The following ITSN2 variants were observed in gnomAD, a reference collection of about 807,000 sequenced individuals.
ITSN2 encodes the protein intersectin 2, also known as intersectin-2.
Under a neutral mutation model 243.7 loss-of-function variants are expected in ITSN2, and 156 were observed. The ratio of observed to expected loss-of-function variants is 0.64; its 90% CI spans 0.56 to 0.73. ITSN2 has a LOEUF of 0.73. Ranked by LOEUF, ITSN2 falls within the 30% of genes least tolerant of loss-of-function variation. The pLI, the probability that ITSN2 is intolerant of heterozygous loss-of-function variation, is 0.00. For missense variants in ITSN2, 1,801 were observed against 1,996.1 expected, an observed-to-expected ratio of 0.90 and a Z score of 1.86; for synonymous variants, 703 against 699.9, an observed-to-expected ratio of 1.00 and a Z score of -0.07.
chr2:24,241,241 C>T (rs1672696705), intron 29 of ITSN2: 8 of 152,156 alleles, frequency 5.3e-5, no homozygotes, highest in Admixed American at 5.2e-4. Context: ...CTGATTAAAA[C>T]AGGTAACAAT....
intron 7 of ITSN2, among the ~76,000 whole-genome samples, chr2:24,309,574 C>G (rs905771672): frequency 6.6e-6 from 1 of 152,096 alleles, no homozygotes; most frequent in African/African-American, 2.4e-5. Context: ...AAGCAAAGAC[C>G]ATAAGAAGTA....
At chr2:24,207,231 G>A (rs2151082921) in intron 37 of ITSN2, among the ~76,000 whole-genome samples, 1 of 152,326 alleles carries the variant, frequency 6.6e-6, no homozygotes, top group African/African-American at 2.4e-5. Context: ...GCTGCAGCCT[G>A]GGTGGGAGAT....
chr2:24,360,982 G>C (rs905307429), upstream of ITSN2, among the ~76,000 whole-genome samples: 5 of 152,202 alleles, frequency 3.3e-5, no homozygotes, highest in African/African-American at 9.6e-5. Flanking sequence ...CTGGGAATTG[G>C]GGGGTGGAAG....
chr2:24,210,776 T>C lies in ITSN2; in HGVS notation c.4257+4A>G, dbSNP rs1314828720. Reference sequence around the variant, plus strand: ...GGCGCACGGCTTAACCACACAGGCCTGACCTCCGCGAGGCCTTCACACTGC... The same window carrying C: ...GGCGCACGGCTTAACCACACAGGCCCGACCTCCGCGAGGCCTTCACACTGC... On this transcript the variant is annotated splice_donor_region_variant and intron_variant, in intron 34 of 39. Transcript: ENST00000355123. 3.7e-6 allele frequency: 6 copies of C among 1,613,182 alleles called. No homozygotes were observed. The highest frequency in any genetic ancestry group is 5.1e-6 in the Non-Finnish European group (6 of 1,179,626).
At chr2:24,216,873 C>A (rs2151128490) in intron 31 of ITSN2, among the ~76,000 whole-genome samples, 1 of 152,292 alleles carries the variant, frequency 6.6e-6, no homozygotes, top group East Asian at 1.9e-4. Context: ...ATCACGAGGT[C>A]AGGAGATTGA....
intron 27 of ITSN2, 107 bp downstream of exon 27, chr2:24,248,522 G>A (rs1173068950): frequency 1.9e-5 from 16 of 827,070 alleles, no homozygotes; most frequent in Non-Finnish European, 2.6e-5. Context: ...TTACCTCTAA[G>A]TGGAATGATT....
Position 24,357,611 on chromosome 2 carries a change from AT to A in ITSN2, c.-34+2692del, listed in dbSNP as rs373136013. On this transcript the variant is annotated intron_variant, in intron 1 of 39. Coordinates refer to ENST00000355123, the MANE Select transcript of ITSN2 (RefSeq NM_006277.3). ...TTTTTTTTGTAAGAAATAAAAAAAA[AT>A]CGGCACACAAGAAAGTCTGCCTTTC... is the stretch of plus-strand genomic sequence containing the variant. Among the ~76,000 whole-genome samples, 309 of 152,328 alleles carry A rather than the reference AT, an allele frequency of 2.0e-3. 3 individuals are homozygous for A. The highest frequency in any genetic ancestry group is 7.4e-3 in the African/African-American group (306 of 41,578).
intron 1 of ITSN2, among the ~76,000 whole-genome samples, chr2:24,329,559 G>A (rs1685544645): frequency 6.6e-6 from 1 of 152,136 alleles, no homozygotes; most frequent in Non-Finnish European, 1.5e-5. Flanking sequence ...AGGCCACTGT[G>A]TCCTGCCCGT....
rs753485869 is a variant in ITSN2, at chr2:24,261,520, T to C, written c.2537+41A>G. On this transcript the variant is annotated intron_variant, in intron 21 of 39. Coordinates refer to ENST00000355123, the MANE Select transcript of ITSN2 (RefSeq NM_006277.3). ...CATTATATATTAGGTATTTACACAT[T>C]TGCAGATCTATATAAACTTTACTGT... 2.0e-5 allele frequency: 29 copies of C among 1,442,178 alleles called. No individual in the cohort carries two copies. The South Asian group carries it at 3.2e-4, about 16-fold the overall frequency. The allele number at this position is 1,442,178 out of a possible 1,614,324, so 89.3% of individuals were successfully genotyped here. A position where few individuals can be genotyped will look rare whatever the true frequency, so the allele number is the denominator to read the frequency against.
rs752001650 is a variant in ITSN2, at chr2:24,246,153, T to C, written c.3553A>G (p.Thr1185Ala). 2 of 1,612,770 alleles carry C rather than the reference T, an allele frequency of 1.2e-6. No homozygotes were observed. Among genetic ancestry groups the C allele is most frequent in the Non-Finnish European group, 1.7e-6 (2 of 1,179,290 alleles). The change falls in exon 29 of 40, where the codon ACA becomes GCA. Residue 1185 changes from threonine (T) to alanine (A), a missense_variant. Transcript: ENST00000355123. ...LFPSNYVKMT[T>A]DSDPSQQWCA... ...CACTGTTGACTTGGATCTGAGTCTG[T>C]CGTCATCTTAACGTAGTTTGAAGGA...
In ITSN2 at chr2:24,271,751, T is replaced by C. The variant is rs774268381; in HGVS notation, c.2257+15A>G. Reference sequence around the variant, plus strand: ...TTGCATTTGTTCTACTGTCTCAAAGTATCCTTATCCTTACGTTTTTTCTCC... The same window carrying C: ...TTGCATTTGTTCTACTGTCTCAAAGCATCCTTATCCTTACGTTTTTTCTCC... On this transcript the variant is annotated intron_variant, in intron 19 of 39. Coordinates refer to ENST00000355123, the MANE Select transcript of ITSN2 (RefSeq NM_006277.3). The C allele has an allele frequency of 6.5e-7, 1 of 1,549,330 alleles. No homozygotes were observed.
intron 2 of ITSN2, among the ~76,000 whole-genome samples, chr2:24,315,727 C>T (rs143801446): frequency 1.2e-3 from 177 of 152,242 alleles, no homozygotes; most frequent in African/African-American, 4.1e-3. Context: ...GAGTTCCTCA[C>T]AATAGCTGAT....
intron 29 of ITSN2, among the ~76,000 whole-genome samples, chr2:24,230,476 T>C (rs780177405): frequency 1.3e-5 from 2 of 152,118 alleles, no homozygotes; most frequent in African/African-American, 2.4e-5. Flanking sequence ...CTCCTTTCAT[T>C]AAAACCCTTG....
At chr2:24,267,629 A>C (rs1197532992) in intron 20 of ITSN2, among the ~76,000 whole-genome samples, 3 of 152,110 alleles carry the variant, frequency 2.0e-5, no homozygotes, top group Non-Finnish European at 4.4e-5. Flanking sequence ...ATCACAGCTC[A>C]CTGTAGCCTT....
rs372295001 is a variant in ITSN2, at chr2:24,251,889, A to G, written c.3120+456T>C. 2.2e-3 allele frequency among the ~76,000 whole-genome samples: 340 copies of G among 152,296 alleles called. 2 individuals carry two copies. Among genetic ancestry groups the G allele is most frequent in the African/African-American group, 8.1e-3 (337 of 41,558 alleles). On this transcript the variant is annotated intron_variant, in intron 25 of 39. Coordinates refer to ENST00000355123, the MANE Select transcript of ITSN2 (RefSeq NM_006277.3). Reference sequence around the variant, plus strand: ...GTTCCTCAATAATTTTTAAGACTGTAAAGTTCCTGAAACCAAAAAGAGAAC... The same window carrying G: ...GTTCCTCAATAATTTTTAAGACTGTGAAGTTCCTGAAACCAAAAAGAGAAC...
intron 1 of ITSN2, among the ~76,000 whole-genome samples, chr2:24,330,029 C>T (rs13402848): frequency 3.3e-5 from 5 of 152,168 alleles, no homozygotes; most frequent in African/African-American, 1.2e-4. Context: ...GTAGCAAGGG[C>T]CCTTATTCAT....
intron 1 of ITSN2, among the ~76,000 whole-genome samples, chr2:24,337,315 A>ATATATATATATATAC (rs1686498327): frequency 6.2e-5 from 2 of 32,026 alleles, no homozygotes; most frequent in Admixed American, 5.4e-4. Context: ...GTATACACAA[A>ATATATATATATATAC]ATATATATAT....
chr2:24,324,037 C>T (rs967249686), intron 2 of ITSN2, among the ~76,000 whole-genome samples: 1 of 152,098 alleles, frequency 6.6e-6, no homozygotes, highest in African/African-American at 2.4e-5. Flanking sequence ...TGGAGACCAT[C>T]CTGGCTAACG....
At chr2:24,309,836 G>T (rs1683031462) in intron 7 of ITSN2, among the ~76,000 whole-genome samples, 1 of 152,164 alleles carries the variant, frequency 6.6e-6, no homozygotes, top group African/African-American at 2.4e-5. Flanking sequence ...ACACTACCCT[G>T]AAGAGTATAA....
Sources: allele counts gnomAD v4.1 joint callset (sites outside exome capture counted in the v4.1 genomes callset), GRCh38; gene constraint gnomAD v4.1.1; transcripts MANE v1.5; gene names NCBI Gene and HGNC (gene_info 2026-07-23, HGNC 2026-07-21).